The following LRRIQ3 variants were observed in gnomAD, a reference collection of about 807,000 sequenced individuals.
The protein encoded by LRRIQ3 is leucine-rich repeat and IQ domain-containing protein 3.
LRRIQ3 carries 75 observed loss-of-function variants against 59.3 expected under a neutral mutation model. The observed-to-expected ratio is 1.26, with a 90% CI of 1.05 to 1.53. The LOEUF is 1.53. Among genes scored for constraint, LRRIQ3 ranks in the 40% most tolerant of loss-of-function variants. The pLI is 0.00. For synonymous variants in LRRIQ3, 250 were observed against 231.3 expected (o/e 1.08, Z -0.73); for missense variants, 831 against 710.0 (o/e 1.17, Z -1.94).
chr1:74,083,219 C>A (rs1425257661), intron 5 of LRRIQ3: 2 of 151,684 alleles, frequency 1.3e-5, no homozygotes, highest in Admixed American at 1.3e-4. Context: ...AGCCTCAGTA[C>A]AAATCTTAGT....
Position 74,122,032 on chromosome 1 carries a change from C to T in LRRIQ3, c.708-12479G>A, listed in dbSNP as rs375195700. Among the ~76,000 whole-genome samples, 6 of 151,888 alleles carry T rather than the reference C, an allele frequency of 4.0e-5. No homozygotes were observed. In the South Asian group the frequency reaches 6.2e-4, roughly 16 times the overall value. On this transcript the variant is annotated intron_variant, in intron 4 of 7. Coordinates refer to ENST00000354431, the MANE Select transcript of LRRIQ3 (RefSeq NM_001105659.2). ...AAGTCTTTGCTATTGTGAATAGTGC[C>T]GCAATAAACATACATGTGCATGTGT...
intron 3 of LRRIQ3, among the ~76,000 whole-genome samples, chr1:74,167,679 G>A (rs1649074230): frequency 6.6e-6 from 1 of 151,458 alleles, no homozygotes; most frequent in African/African-American, 2.4e-5. Flanking sequence ...CTCTGGTGAT[G>A]GGAGCACCAA....
chr1:74,139,445 C>T (rs1288845813), intron 4 of LRRIQ3, among the ~76,000 whole-genome samples: 1 of 151,826 alleles, frequency 6.6e-6, no homozygotes, highest in Non-Finnish European at 1.5e-5. Context: ...TACCCATTTG[C>T]TCACCAAATT....
intron 6 of LRRIQ3, among the ~76,000 whole-genome samples, chr1:74,061,479 C>G (rs1654719823): frequency 6.6e-6 from 1 of 152,034 alleles, no homozygotes; most frequent in Non-Finnish European, 1.5e-5. Context: ...GACTGAATAG[C>G]CAAGACAATC....
intron 5 of LRRIQ3, among the ~76,000 whole-genome samples, chr1:74,085,246 A>C (rs1341666777): frequency 6.6e-6 from 1 of 151,540 alleles, no homozygotes; most frequent in Non-Finnish European, 1.5e-5. Context: ...TTTTAAATGC[A>C]ACAGATACTA....
Position 74,042,375 on chromosome 1 carries a change from A to G in LRRIQ3, c.998-442T>C, listed in dbSNP as rs558849706. On this transcript the variant is annotated intron_variant, in intron 6 of 7. Coordinates refer to ENST00000354431, the MANE Select transcript of LRRIQ3 (RefSeq NM_001105659.2). ...TAATAAATGAGCAGGGAGTATTTATAGATAGAAAATGGAAGAAATATAGAA... is the reference window on the plus strand; with the variant it reads ...TAATAAATGAGCAGGGAGTATTTATGGATAGAAAATGGAAGAAATATAGAA... Among the ~76,000 whole-genome samples, 5 of 152,244 alleles carry G rather than the reference A, an allele frequency of 3.3e-5. No homozygotes were observed. In the East Asian group the frequency reaches 9.7e-4, roughly 29 times the overall value.
intron 1 of LRRIQ3, among the ~76,000 whole-genome samples, chr1:74,195,190 C>T (rs890830770): frequency 6.6e-6 from 1 of 152,088 alleles, no homozygotes; most frequent in African/African-American, 2.4e-5. Context: ...ATAAAACAAA[C>T]TGCAAAAAGA....
At chr1:74,051,396 G>A (rs948149611) in intron 6 of LRRIQ3, among the ~76,000 whole-genome samples, 2 of 152,076 alleles carry the variant, frequency 1.3e-5, no homozygotes, top group Non-Finnish European at 2.9e-5. Flanking sequence ...TAGTGACAAC[G>A]TCTCAAATAG....
intron 3 of LRRIQ3, among the ~76,000 whole-genome samples, chr1:74,172,179 G>A (rs1173460970): frequency 6.6e-6 from 1 of 152,040 alleles, no homozygotes; most frequent in African/African-American, 2.4e-5. Context: ...TCCTTCAGGT[G>A]TACAGTTGGT....
intron 5 of LRRIQ3, among the ~76,000 whole-genome samples, chr1:74,094,443 T>C (rs965613705): frequency 4.6e-5 from 7 of 151,994 alleles, no homozygotes; most frequent in Admixed American, 3.3e-4. Flanking sequence ...GTTAGGGTGA[T>C]GTGAGGTAGG....
intron 4 of LRRIQ3, among the ~76,000 whole-genome samples, chr1:74,141,988 C>A (rs1010278466): frequency 6.9e-6 from 1 of 144,258 alleles, no homozygotes; most frequent in African/African-American, 2.9e-5. Flanking sequence ...TTTATACACA[C>A]ACACACACAC....
At chr1:74,153,387 T>C (rs577196510) in intron 4 of LRRIQ3, among the ~76,000 whole-genome samples, 3 of 152,200 alleles carry the variant, frequency 2.0e-5, no homozygotes, top group Non-Finnish European at 2.9e-5. Context: ...ACATTTCTCA[T>C]GCCTAGAAAT....
intron 6 of LRRIQ3, among the ~76,000 whole-genome samples, chr1:74,055,774 T>C (rs887317652): frequency 2.0e-5 from 3 of 152,204 alleles, no homozygotes; most frequent in Admixed American, 6.5e-5. Context: ...GTTTGAAGAC[T>C]GCCAATCTGT....
chr1:74,094,675 A>C (rs1484131983), intron 5 of LRRIQ3, among the ~76,000 whole-genome samples: 1 of 152,154 alleles, frequency 6.6e-6, no homozygotes, highest in Non-Finnish European at 1.5e-5. Flanking sequence ...ATTGCTAGAG[A>C]AGCTGAGAAA....
chr1:74,112,923 C>T (rs1042594338), intron 4 of LRRIQ3, among the ~76,000 whole-genome samples: 4 of 151,874 alleles, frequency 2.6e-5, no homozygotes, highest in Non-Finnish European at 5.9e-5. Flanking sequence ...GGCAAAGAAA[C>T]ACAAAAATGT....
At chr1:74,085,047 A>T (rs1570089352) in intron 5 of LRRIQ3, among the ~76,000 whole-genome samples, 1 of 151,830 alleles carries the variant, frequency 6.6e-6, no homozygotes, top group Non-Finnish European at 1.5e-5. Context: ...TATAATGTTA[A>T]TGTATTTTCT....
intron 5 of LRRIQ3, among the ~76,000 whole-genome samples, chr1:74,079,380 T>A (rs1470376554): frequency 1.3e-5 from 2 of 151,734 alleles, no homozygotes; most frequent in Non-Finnish European, 2.9e-5. Context: ...TGTAAGATCT[T>A]TCTTCTGCCT....
At chr1:74,193,103 T>C (rs1323881013) in intron 1 of LRRIQ3, among the ~76,000 whole-genome samples, 1 of 152,178 alleles carries the variant, frequency 6.6e-6, no homozygotes, top group Non-Finnish European at 1.5e-5. Flanking sequence ...CTTTACCACT[T>C]GTTGCAAATT....
chr1:74,094,364 G>T (rs1473372033), intron 5 of LRRIQ3, among the ~76,000 whole-genome samples: 2 of 151,948 alleles, frequency 1.3e-5, no homozygotes, highest in Non-Finnish European at 2.9e-5. Context: ...AAATAATAGG[G>T]GTCTTTGTAA....
Sources: allele counts gnomAD v4.1 joint callset (sites outside exome capture counted in the v4.1 genomes callset), GRCh38; gene constraint gnomAD v4.1.1; transcripts MANE v1.5; gene names NCBI Gene and HGNC (gene_info 2026-07-23, HGNC 2026-07-21).